CSGALNACT1: variants seen among roughly 807,000 people sequenced by gnomAD.
CSGALNACT1 encodes beta4GalNAcT-1.
CSGALNACT1 carries 52 observed loss-of-function variants against 51.0 expected under a neutral mutation model. The ratio of observed to expected loss-of-function variants is 1.02; its 90% CI spans 0.82 to 1.29. CSGALNACT1 has a LOEUF of 1.29. Among genes scored for constraint, CSGALNACT1 ranks in the 50% most tolerant of loss-of-function variants. The pLI, the probability that CSGALNACT1 is intolerant of heterozygous loss-of-function variation, is 0.00. For synonymous variants in CSGALNACT1, 341 were observed against 254.4 expected (o/e 1.34, Z -3.24); for missense variants, 935 against 679.2 (o/e 1.38, Z -4.19).
At chr8:19,542,447 T>C (rs1353389108) in intron 3 of CSGALNACT1, among the ~76,000 whole-genome samples, 1 of 152,192 alleles carries the variant, frequency 6.6e-6, no homozygotes. Flanking sequence ...TGGGGTTCCA[T>C]GTGACAGTCT....
chr8:19,584,252 G>C (rs565606892), intron 3 of CSGALNACT1, among the ~76,000 whole-genome samples: 106 of 152,260 alleles, frequency 7.0e-4, no homozygotes, highest in African/African-American at 2.5e-3. Flanking sequence ...TGATCCCTAA[G>C]CCTGAAAGCT....
chr8:19,447,516 C>T (rs896718388), intron 5 of CSGALNACT1, among the ~76,000 whole-genome samples: 1 of 152,156 alleles, frequency 6.6e-6, no homozygotes, highest in Non-Finnish European at 1.5e-5. Flanking sequence ...TTTTCAACCT[C>T]TGCACTGCTA....
At position 19,630,309 on chromosome 8, in the gene CSGALNACT1, G is replaced by A. The variant is rs143609536; in HGVS notation, c.-543-28444C>T. On this transcript the variant is annotated intron_variant, in intron 1 of 9. Transcript: ENST00000332246. ...AAACTTGAGTTTCATATAATTTCTT[G>A]CTAATTTAAAAAAATTAATAGAGTT... 3.5e-4 allele frequency among the ~76,000 whole-genome samples: 51 copies of A among 147,038 alleles called. No homozygotes were observed. In the East Asian group the frequency reaches 0.01, roughly 29 times the overall value.
At chr8:19,497,164 C>T (rs2075638939) in intron 4 of CSGALNACT1, among the ~76,000 whole-genome samples, 1 of 152,146 alleles carries the variant, frequency 6.6e-6, no homozygotes, top group Non-Finnish European at 1.5e-5. Flanking sequence ...TCAGAAAAAT[C>T]AGAGACAACC....
chr8:19,667,028 G>A (rs1345289837), intron 1 of CSGALNACT1, among the ~76,000 whole-genome samples: 557 of 27,726 alleles, frequency 0.02, 29 homozygotes, highest in African/African-American at 0.054. Flanking sequence ...AGGAAGGAAG[G>A]AAGGAAGGAA....
At chr8:19,635,590 C>G (rs1177394287) in intron 1 of CSGALNACT1, among the ~76,000 whole-genome samples, 1 of 152,140 alleles carries the variant, frequency 6.6e-6, no homozygotes. Flanking sequence ...CCTCCCCTCA[C>G]CATTCACAGG....
intron 5 of CSGALNACT1, among the ~76,000 whole-genome samples, chr8:19,448,954 G>A (rs769625105): frequency 2.1e-4 from 32 of 152,210 alleles, no homozygotes; most frequent in Admixed American, 3.3e-4. Context: ...GTAAAACCTG[G>A]CTTTAAAATC....
intron 3 of CSGALNACT1, among the ~76,000 whole-genome samples, chr8:19,515,622 T>A (rs2079370503): frequency 6.6e-6 from 1 of 152,208 alleles, no homozygotes; most frequent in Non-Finnish European, 1.5e-5. Flanking sequence ...AAGGGAAATG[T>A]GGCAAAAAGA....
chr8:19,639,275 TAAG>T (rs1014563455), intron 1 of CSGALNACT1, among the ~76,000 whole-genome samples: 7 of 152,206 alleles, frequency 4.6e-5, no homozygotes, highest in African/African-American at 1.7e-4. Flanking sequence ...TGCCCTTGGT[TAAG>T]AAGGGTTGTA....
intron 3 of CSGALNACT1, among the ~76,000 whole-genome samples, chr8:19,561,675 G>T (rs931199777): frequency 6.6e-6 from 1 of 152,220 alleles, no homozygotes; most frequent in Non-Finnish European, 1.5e-5. Context: ...GGGGCAGGGG[G>T]CATACAGAGA....
intron 3 of CSGALNACT1, among the ~76,000 whole-genome samples, chr8:19,543,513 A>T (rs911514173): frequency 6.6e-6 from 1 of 152,172 alleles, no homozygotes; most frequent in Admixed American, 6.5e-5. Flanking sequence ...TCTTTCTGAG[A>T]GCCTGGTATT....
At chr8:19,649,175 G>A (rs1335325271) in intron 1 of CSGALNACT1, among the ~76,000 whole-genome samples, 1 of 152,174 alleles carries the variant, frequency 6.6e-6, no homozygotes, top group Non-Finnish European at 1.5e-5. Context: ...TTTTGCAGAT[G>A]AGAAAAATGG....
At chr8:19,497,710 T>C (rs1404345957) in intron 4 of CSGALNACT1, among the ~76,000 whole-genome samples, 2 of 151,970 alleles carry the variant, frequency 1.3e-5, no homozygotes, top group Non-Finnish European at 2.9e-5. Flanking sequence ...GGAAAATAAA[T>C]CCTCGGGCCT....
At chr8:19,724,377 C>G (rs941408148) in intron 1 of CSGALNACT1, among the ~76,000 whole-genome samples, 2 of 152,184 alleles carry the variant, frequency 1.3e-5, no homozygotes, top group Non-Finnish European at 2.9e-5. Context: ...TTTCCAGAGG[C>G]TGTGGTTGGT....
At chr8:19,455,554 T>C (rs1187662216) in intron 5 of CSGALNACT1, among the ~76,000 whole-genome samples, 4 of 152,252 alleles carry the variant, frequency 2.6e-5, no homozygotes, top group African/African-American at 4.8e-5. Context: ...GTTTGGCTAG[T>C]TGTCCTGACA....
chr8:19,415,933 T>G (rs1377712015), intron 8 of CSGALNACT1, among the ~76,000 whole-genome samples: 1 of 152,176 alleles, frequency 6.6e-6, no homozygotes, highest in African/African-American at 2.4e-5. Flanking sequence ...ACAATGGTAT[T>G]TGTGTATCTG....
intron 1 of CSGALNACT1, among the ~76,000 whole-genome samples, chr8:19,668,088 A>C (rs920846989): frequency 6.6e-6 from 1 of 152,236 alleles, no homozygotes; most frequent in African/African-American, 2.4e-5. Context: ...AGAGAAATAC[A>C]ACTGGCTCCC....
intron 1 of CSGALNACT1, among the ~76,000 whole-genome samples, chr8:19,689,347 A>G (rs572191875): frequency 7.2e-5 from 11 of 152,226 alleles, no homozygotes; most frequent in African/African-American, 1.9e-4. Context: ...CTGGACCCCA[A>G]CTGAGCTCTG....
intron 8 of CSGALNACT1, among the ~76,000 whole-genome samples, chr8:19,413,546 A>G (rs919953046): frequency 1.3e-5 from 2 of 152,242 alleles, no homozygotes; most frequent in Admixed American, 6.5e-5. Flanking sequence ...GAATAAATAG[A>G]AACAGAATGC....
Sources: allele counts gnomAD v4.1 joint callset (sites outside exome capture counted in the v4.1 genomes callset), GRCh38; gene constraint gnomAD v4.1.1; transcripts MANE v1.5; gene names NCBI Gene and HGNC (gene_info 2026-07-23, HGNC 2026-07-21).